The following RAP1B variants were observed in gnomAD, a reference collection of about 807,000 sequenced individuals.
RAP1B encodes RAP1B, member of RAS oncogene family.
RAP1B carries 1 observed loss-of-function variant against 27.5 expected under a neutral mutation model. That is an observed-to-expected ratio of 0.04 (90% CI 0.01 to 0.17). The LOEUF (loss-of-function observed/expected upper bound fraction) is 0.17. Among genes scored for constraint, RAP1B ranks in the 10% least tolerant of loss-of-function variants. The pLI is 1.00. For missense variants in RAP1B, 84 were observed against 214.8 expected (o/e 0.39, Z 3.81); for synonymous variants, 75 against 73.1 (o/e 1.03, Z -0.13).
At chr12:68,613,266 A>G (rs929548508) in intron 1 of RAP1B, among the ~76,000 whole-genome samples, 38 of 152,032 alleles carry the variant, frequency 2.5e-4, no homozygotes, top group African/African-American at 8.5e-4. Flanking sequence ...AGGCTGAGGC[A>G]CGAGAATATG....
intron 1 of RAP1B, among the ~76,000 whole-genome samples, chr12:68,640,559 T>G (rs1024629925): frequency 1.3e-5 from 2 of 152,236 alleles, no homozygotes; most frequent in Admixed American, 1.3e-4. Flanking sequence ...GATTTTCTTT[T>G]CTGACCAGCA....
intron 1 of RAP1B, chr12:68,624,721 A>G (rs558117341): frequency 6.6e-6 from 1 of 152,462 alleles, no homozygotes; most frequent in South Asian, 2.1e-4. Context: ...GAGGCTGAGC[A>G]GGAGAATCGC....
rs1022903457 is a variant in RAP1B at position 68,660,091 on chromosome 12, A to C, written c.*842A>C. 8.1e-6 allele frequency: 1 copy of C among 122,756 alleles called. No individual in the cohort carries two copies. Among genetic ancestry groups the C allele is most frequent in the Non-Finnish European group, 1.7e-5 (1 of 60,336 alleles). The allele number at this position is 122,756 out of a possible 1,614,324, so 7.6% of individuals were successfully genotyped here. Reference sequence around the variant, plus strand: ...TCTGCAGCTGTAGATTCTCACTGTGAATCCCTTGCTTGCTCATGCATAAGT... The same window carrying C: ...TCTGCAGCTGTAGATTCTCACTGTGCATCCCTTGCTTGCTCATGCATAAGT... On this transcript the variant is annotated 3_prime_UTR_variant, in exon 8 of 8. Transcript: ENST00000250559.
At chr12:68,622,605 T>TA (rs1418337825) in intron 1 of RAP1B, among the ~76,000 whole-genome samples, 1 of 152,190 alleles carries the variant, frequency 6.6e-6, no homozygotes, top group Non-Finnish European at 1.5e-5. Context: ...CTGATCACCT[T>TA]ATATAAAGGA....
chr12:68,656,863 GAACTAAGTTAAGATCTCTGCAGCTCCTTC>G (rs1874243034), intron 6 of RAP1B, among the ~76,000 whole-genome samples: 1 of 152,090 alleles, frequency 6.6e-6, no homozygotes, highest in African/African-American at 2.4e-5. Context: ...TGTTCTAATT[GAACTAAGTTAAGATCTCTGCAGCTCCTTC>G]AACTAAGTAT....
chr12:68,655,480 T>C (rs1459831967), intron 5 of RAP1B, among the ~76,000 whole-genome samples: 1 of 152,158 alleles, frequency 6.6e-6, no homozygotes, highest in Non-Finnish European at 1.5e-5. Context: ...GGGAACATTT[T>C]TTAATTTGTA....
intron 1 of RAP1B, among the ~76,000 whole-genome samples, chr12:68,620,600 CCTTTT>C (rs1382646066): frequency 6.8e-6 from 1 of 147,738 alleles, no homozygotes; most frequent in Non-Finnish European, 1.5e-5. Flanking sequence ...ATTTTATTTT[CCTTTT>C]CTTTTTTTTT....
intron 1 of RAP1B, among the ~76,000 whole-genome samples, chr12:68,616,594 C>T (rs753327496): frequency 3.9e-5 from 6 of 151,982 alleles, no homozygotes; most frequent in Non-Finnish European, 8.8e-5. Flanking sequence ...CCACCGCACC[C>T]AGCTAAGTTT....
rs894855072 is a variant in RAP1B at position 68,669,123 on chromosome 12, A to G, written c.*9874A>G. On this transcript the variant is annotated 3_prime_UTR_variant, in exon 8 of 8. Coordinates refer to ENST00000250559, the MANE Select transcript of RAP1B (RefSeq NM_001010942.3). Reference sequence around the variant, plus strand: ...CTGGATATAAGATAAGCATGCCAAAAATCAATAGCTTTTCTTTATATTTAT... The same window carrying G: ...CTGGATATAAGATAAGCATGCCAAAGATCAATAGCTTTTCTTTATATTTAT... 1 of 152,170 alleles carries G rather than the reference A, an allele frequency of 6.6e-6. No homozygotes were observed. The highest frequency in any genetic ancestry group is 1.5e-5 in the Non-Finnish European group (1 of 68,048). The allele number at this position is 152,170 out of a possible 1,614,324, so 9.4% of individuals were successfully genotyped here. A position where few individuals can be genotyped will look rare whatever the true frequency, so the allele number is the denominator to read the frequency against.
At chr12:68,626,990 C>G in intron 1 of RAP1B, 1 of 1,551,558 alleles carries the variant, frequency 6.4e-7, no homozygotes, top group Non-Finnish European at 8.8e-7. Context: ...TGGCATTGAA[C>G]TTGGTGAAGC....
At chr12:68,638,842 A>C (rs1872802759) in intron 1 of RAP1B, among the ~76,000 whole-genome samples, 2 of 151,992 alleles carry the variant, frequency 1.3e-5, no homozygotes, top group South Asian at 4.1e-4. Flanking sequence ...TGTATTTTTT[A>C]GTATAGACGG....
intron 5 of RAP1B, among the ~76,000 whole-genome samples, chr12:68,654,992 G>C (rs1050158575): frequency 6.6e-6 from 1 of 152,106 alleles, no homozygotes; most frequent in African/African-American, 2.4e-5. Flanking sequence ...GTTTCGAAGT[G>C]GTGTTGGTTT....
At chr12:68,616,370 C>T (rs1040045901) in intron 1 of RAP1B, among the ~76,000 whole-genome samples, 5 of 151,734 alleles carry the variant, frequency 3.3e-5, no homozygotes, top group South Asian at 2.1e-4. Flanking sequence ...CCACAGCCTC[C>T]GCCTCCAGGG....
At chr12:68,642,669 TG>T in intron 1 of RAP1B, 1 of 1,139,012 alleles carries the variant, frequency 8.8e-7, no homozygotes, top group Non-Finnish European at 1.3e-6. Flanking sequence ...TCTACAATCC[TG>T]GCCTTTGAGA....
intron 1 of RAP1B, among the ~76,000 whole-genome samples, chr12:68,615,957 A>G (rs527557520): frequency 8.2e-6 from 1 of 121,470 alleles, no homozygotes; most frequent in Admixed American, 8.3e-5. Context: ...AACTCTAGTA[A>G]ATAATTTGGA....
intron 1 of RAP1B, among the ~76,000 whole-genome samples, chr12:68,614,915 T>C (rs1285470866): frequency 6.6e-6 from 1 of 152,224 alleles, no homozygotes; most frequent in African/African-American, 2.4e-5. Flanking sequence ...CTACAAAGAA[T>C]AGATGAATTT....
chr12:68,612,071 C>T (rs954090789), intron 1 of RAP1B, among the ~76,000 whole-genome samples: 2 of 152,118 alleles, frequency 1.3e-5, no homozygotes, highest in Non-Finnish European at 2.9e-5. Flanking sequence ...AGAAGCAGTT[C>T]TGTGTTGCAG....
chr12:68,655,933 A>G (rs534065654), intron 5 of RAP1B, among the ~76,000 whole-genome samples: 42 of 152,240 alleles, frequency 2.8e-4, no homozygotes, highest in African/African-American at 9.1e-4. Flanking sequence ...TTTTCCCCCC[A>G]TCTCTCATAA....
Position 68,640,780 on chromosome 12 carries a change from TAAATC to T in RAP1B, c.-26-7917_-26-7913del, listed in dbSNP as rs1872942031. On this transcript the variant is annotated intron_variant, in intron 1 of 7. Coordinates refer to ENST00000250559, the MANE Select transcript of RAP1B (RefSeq NM_001010942.3). ...TAGGCAATCCAGAATGTTGGATAAT[TAAATC>T]AGTTATTTGCATTTTGATGTGTAAT... 2.0e-5 allele frequency among the ~76,000 whole-genome samples: 3 copies of T among 152,296 alleles called. No homozygotes were observed. The East Asian group carries it at 5.8e-4, about 29-fold the overall frequency.
Sources: allele counts gnomAD v4.1 joint callset (sites outside exome capture counted in the v4.1 genomes callset), GRCh38; gene constraint gnomAD v4.1.1; transcripts MANE v1.5; gene names NCBI Gene and HGNC (gene_info 2026-07-23, HGNC 2026-07-21).